The following NINL variants were observed in gnomAD, a reference collection of about 807,000 sequenced individuals.
NINL encodes ninein like.
A neutral mutation model predicts 160.3 loss-of-function variants in NINL; 153 were observed. The observed-to-expected ratio is 0.95, with a 90% CI of 0.84 to 1.09. The LOEUF (loss-of-function observed/expected upper bound fraction) is 1.09. Ranked by LOEUF, NINL falls within the 50% of genes least tolerant of loss-of-function variation. The pLI, the probability that NINL is intolerant of heterozygous loss-of-function variation, is 0.00. For synonymous variants in NINL, 800 were observed against 734.8 expected (o/e 1.09, Z -1.43); for missense variants, 1,829 against 1,764.0 (o/e 1.04, Z -0.66).
chr20:25,481,948 T>G lies in NINL; in HGVS notation c.1810+20A>C, dbSNP rs778500026. On this transcript the variant is annotated intron_variant, in intron 14 of 23. Coordinates refer to ENST00000278886, the MANE Select transcript of NINL (RefSeq NM_025176.6). The stretch of plus-strand genomic sequence containing the variant: ...AACAGCAGGCCTTGGGTCAGCCCCC[T>G]CCCAGGGACGGGCTCCTACCTGCTG... 2.5e-6 allele frequency: 4 copies of G among 1,592,554 alleles called. No individual in the cohort carries two copies. The highest frequency in any genetic ancestry group is 3.4e-6 in the Non-Finnish European group (4 of 1,175,326).
At chr20:25,499,543 C>T (rs952151363) in intron 8 of NINL, among the ~76,000 whole-genome samples, 2 of 152,062 alleles carry the variant, frequency 1.3e-5, no homozygotes, top group Admixed American at 6.5e-5. Context: ...GAGACTTGTG[C>T]TCTCTGCCCT....
intron 1 of NINL, among the ~76,000 whole-genome samples, chr20:25,544,634 T>C (rs2064710840): frequency 6.6e-6 from 1 of 152,160 alleles, no homozygotes; most frequent in Admixed American, 6.5e-5. Flanking sequence ...CTGTTCTGAG[T>C]CCCACAACAC....
chr20:25,485,096 T>C (rs560938182), intron 13 of NINL, among the ~76,000 whole-genome samples: 2 of 152,114 alleles, frequency 1.3e-5, no homozygotes, highest in Non-Finnish European at 2.9e-5. Flanking sequence ...AAAATATCAA[T>C]GTCATAAAGA....
intron 2 of NINL, among the ~76,000 whole-genome samples, chr20:25,524,904 A>AAT (rs35820142): frequency 0.22 from 32,108 of 145,284 alleles, 4,281 homozygotes; most frequent in Non-Finnish European, 0.31. Flanking sequence ...CTCAAATTAA[A>AAT]ATATATATAT....
At chr20:25,469,399 C>T (rs1372308468) in intron 18 of NINL, among the ~76,000 whole-genome samples, 2 of 142,658 alleles carry the variant, frequency 1.4e-5, no homozygotes, top group Admixed American at 1.4e-4. Context: ...CACTGGTGGC[C>T]CCCTGCCCTG....
chr20:25,476,712 C>T lies in NINL; in HGVS notation c.2579G>A (p.Trp860Ter), dbSNP rs751876219. ...RPGCGERPLA[W>*]LAPGDGRESE... ...CTCTCTGCCATCACCTGGGGCCAGC[C>T]AGGCCAGTGGCCGCTCCCCACAGCC... The change falls in exon 17 of 24, where the codon TGG becomes TAG. Residue 860 changes from tryptophan to a stop codon, truncating the protein, a stop_gained. Coordinates refer to ENST00000278886, the MANE Select transcript of NINL (RefSeq NM_025176.6). LOFTEE classifies it high-confidence loss of function. 3.1e-6 allele frequency: 5 copies of T among 1,599,738 alleles called. No homozygotes were observed. In the African/African-American group the frequency reaches 6.7e-5, roughly 21 times the overall value.
intron 17 of NINL, among the ~76,000 whole-genome samples, chr20:25,473,187 C>T (rs1224826800): frequency 6.6e-6 from 1 of 152,146 alleles, no homozygotes; most frequent in Non-Finnish European, 1.5e-5. Context: ...AAGTGGTTAC[C>T]CCGGGGACTC....
At chr20:25,520,242 G>A (rs577848235) in intron 2 of NINL, among the ~76,000 whole-genome samples, 2 of 152,160 alleles carry the variant, frequency 1.3e-5, no homozygotes, top group South Asian at 2.1e-4. Flanking sequence ...CTCTAGGTAC[G>A]CTTCAGTGAA....
rs1023218941 is a variant in NINL, at chr20:25,489,344, G to C, written c.1597-20C>G. On this transcript the variant is annotated intron_variant, in intron 12 of 23. Coordinates refer to ENST00000278886, the MANE Select transcript of NINL (RefSeq NM_025176.6). ...CTCCAGCTGAAAGGCAGACACAAAG[G>C]AAGTCACGGGTGGGCCTCGGGCCAG... The C allele has an allele frequency of 6.2e-7, 1 of 1,611,362 alleles. No individual in the cohort carries two copies. Among genetic ancestry groups the C allele is most frequent in the African/African-American group, 1.3e-5 (1 of 75,012 alleles).
At chr20:25,513,114 C>T (rs2064104487) in intron 3 of NINL, 108 bp from the exon 4 acceptor site, 4 of 1,115,950 alleles carry the variant, frequency 3.6e-6, no homozygotes, top group Admixed American at 2.4e-5. Flanking sequence ...CGAGTGTGCC[C>T]CTCAAACACG....
intron 22 of NINL, among the ~76,000 whole-genome samples, chr20:25,456,401 A>G (rs1030330015): frequency 4.0e-5 from 6 of 150,536 alleles, no homozygotes; most frequent in African/African-American, 1.5e-4. Flanking sequence ...ACAAAAAATC[A>G]GCCGGGCATG....
chr20:25,573,700 G>T (rs2065081387), intron 1 of NINL, among the ~76,000 whole-genome samples: 1 of 152,228 alleles, frequency 6.6e-6, no homozygotes, highest in African/African-American at 2.4e-5. Context: ...ACTACTTGAA[G>T]TCCATGCCAA....
chr20:25,453,716 T>C, intron 23 of NINL, 74 bp from the exon 24 acceptor site: 5 of 1,380,992 alleles, frequency 3.6e-6, no homozygotes, highest in Admixed American at 4.6e-5. Context: ...CTCTCTTTTA[T>C]CCTCCCAGGT....
chr20:25,529,179 C>T (rs925730675), intron 1 of NINL, among the ~76,000 whole-genome samples: 19 of 151,978 alleles, frequency 1.3e-4, no homozygotes, highest in Admixed American at 1.1e-3. Context: ...GAGGCTGAGG[C>T]AGGAGGATAG....
In NINL at chr20:25,479,195, G is replaced by A. The variant is rs148406486; in HGVS notation, c.1929C>T (p.Tyr643=). The part of the protein sequence containing the change: ...RTQLETKVNY[Y]EREIAALKRN... ...TTTTCAGTGCCGCAATTTCCCTTTC[G>A]TAGTAATTTACCTAAAACGAGAAAC... Residue 643 remains tyrosine, a synonymous_variant, in exon 16 of 24, where the codon TAC becomes TAT. Coordinates refer to ENST00000278886, the MANE Select transcript of NINL (RefSeq NM_025176.6). The A allele has an allele frequency of 3.2e-5, 51 of 1,605,790 alleles. No individual in the cohort carries two copies. The highest frequency in any genetic ancestry group is 1.3e-4 in the East Asian group (6 of 44,702).
At chr20:25,529,821 A>G (rs755583110) in intron 1 of NINL, among the ~76,000 whole-genome samples, 1 of 152,198 alleles carries the variant, frequency 6.6e-6, no homozygotes, top group Non-Finnish European at 1.5e-5. Context: ...AGCCTCAGCA[A>G]CAGAGCCAGA....
chr20:25,478,947 T>C lies in NINL; in HGVS notation c.2177A>G (p.His726Arg). 1 of 1,558,780 alleles carries C rather than the reference T, an allele frequency of 6.4e-7. No individual in the cohort carries two copies. Among genetic ancestry groups the C allele is most frequent in the African/African-American group, 1.4e-5 (1 of 73,544 alleles). ...TQALCGLALRHHSHLQQIRRE... is the reference protein window; with the variant it reads ...TQALCGLALRRHSHLQQIRRE... ...CCTGATCTGCTGCAGGTGGCTGTGA[T>C]GCCGCAGGGCCAGGCCACACAGTGC... is the stretch of plus-strand genomic sequence containing the variant. Residue 726 changes from histidine (H) to arginine (R), a missense_variant, in exon 16 of 24, where the codon CAT becomes CGT. By Grantham distance (29) the His-to-Arg change is conservative (BLOSUM62 0). Transcript: ENST00000278886.
Position 25,470,070 on chromosome 20 carries a change from C to T in NINL, c.3274G>A (p.Glu1092Lys). ...AGATCGTTTTTCAACAAAGTGTTTT[C>T]TTCAGAAAGTCTATGGAACTCCAGT... Reference protein sequence around the residue: ...DRLEFHRLSEENTLLKNDLGR... With the variant: ...DRLEFHRLSEKNTLLKNDLGR... The change falls in exon 18 of 24, where the codon GAA (glutamate) becomes AAA (lysine). Residue 1092 changes from glutamate to lysine, a missense_variant. Glu to Lys is a moderately conservative substitution (Grantham distance 56, BLOSUM62 1). Coordinates refer to ENST00000278886, the MANE Select transcript of NINL (RefSeq NM_025176.6). 1 of 1,614,126 alleles carries T rather than the reference C, an allele frequency of 6.2e-7. No individual in the cohort carries two copies. Among genetic ancestry groups the T allele is most frequent in the Non-Finnish European group, 8.5e-7 (1 of 1,180,004 alleles).
chr20:25,528,832 A>G (rs2064401660), intron 1 of NINL, among the ~76,000 whole-genome samples: 1 of 152,216 alleles, frequency 6.6e-6, no homozygotes, highest in Admixed American at 6.5e-5. Flanking sequence ...AAACAACAAC[A>G]TGAAAAGTCA....
Sources: allele counts gnomAD v4.1 joint callset (sites outside exome capture counted in the v4.1 genomes callset), GRCh38; gene constraint gnomAD v4.1.1; transcripts MANE v1.5; gene names NCBI Gene and HGNC (gene_info 2026-07-23, HGNC 2026-07-21).